Variants in CMSS1 observed in about 807,000 individuals in gnomAD.
CMSS1 encodes the protein protein CMSS1.
Under a neutral mutation model 43.5 loss-of-function variants are expected in CMSS1, and 33 were observed. The observed-to-expected ratio is 0.76, with a 90% CI of 0.57 to 1.01. The LOEUF (loss-of-function observed/expected upper bound fraction) is 1.01. Ranked by LOEUF, CMSS1 falls within the 50% of genes least tolerant of loss-of-function variation. CMSS1 has a pLI of 0.00. For missense variants in CMSS1, 313 were observed against 326.4 expected (o/e 0.96, Z 0.32); for synonymous variants, 115 against 117.2 (o/e 0.98, Z 0.12).
chr3:99,832,863 T>TTG (rs1942739608), intron 1 of CMSS1, among the ~76,000 whole-genome samples: 2 of 144,566 alleles, frequency 1.4e-5, no homozygotes, highest in African/African-American at 2.6e-5. Context: ...AAAAAGTTGT[T>TTG]TTTTTTTTTT....
intron 1 of CMSS1, among the ~76,000 whole-genome samples, chr3:100,120,078 T>C (rs567448503): frequency 3.3e-5 from 5 of 152,344 alleles, no homozygotes; most frequent in African/African-American, 9.6e-5. Context: ...GAGGAAAACA[T>C]GTTCTTGACC....
At chr3:100,117,220 C>G (rs2066577969) in intron 1 of CMSS1, among the ~76,000 whole-genome samples, 1 of 152,070 alleles carries the variant, frequency 6.6e-6, no homozygotes, top group African/African-American at 2.4e-5. Flanking sequence ...ACTTTGGCAA[C>G]ACTACATTAA....
At chr3:100,169,689 AT>A (rs1342531441) in intron 6 of CMSS1, among the ~76,000 whole-genome samples, 4 of 152,010 alleles carry the variant, frequency 2.6e-5, no homozygotes, top group Non-Finnish European at 5.9e-5. Context: ...GTTTCTTTCC[AT>A]TTTTTCTGCT....
intron 1 of CMSS1, among the ~76,000 whole-genome samples, chr3:99,844,191 G>A (rs1943260919): frequency 6.6e-6 from 1 of 152,162 alleles, no homozygotes; most frequent in Non-Finnish European, 1.5e-5. Flanking sequence ...AAAATTTGAA[G>A]TACCGTTTTA....
At chr3:100,027,541 A>T (rs1289928786) in intron 1 of CMSS1, among the ~76,000 whole-genome samples, 2 of 152,160 alleles carry the variant, frequency 1.3e-5, no homozygotes, top group Non-Finnish European at 2.9e-5. Context: ...AGGAAACCAC[A>T]GATGAGTTCT....
At chr3:100,147,240 T>A (rs1233271856) in intron 2 of CMSS1, among the ~76,000 whole-genome samples, 179 bp downstream of exon 2, 1 of 151,904 alleles carries the variant, frequency 6.6e-6, no homozygotes, top group African/African-American at 2.4e-5. Flanking sequence ...ACCAGCAAGT[T>A]CTGTTTTTTG....
At chr3:100,028,416 G>T (rs573386860) in intron 1 of CMSS1, among the ~76,000 whole-genome samples, 1 of 152,266 alleles carries the variant, frequency 6.6e-6, no homozygotes, top group Admixed American at 6.5e-5. Context: ...GCAACAGCTG[G>T]TGGTTGTTTG....
chr3:100,165,371 G>T (rs1047457156), intron 4 of CMSS1, among the ~76,000 whole-genome samples: 1 of 151,910 alleles, frequency 6.6e-6, no homozygotes, highest in African/African-American at 2.4e-5. Context: ...TGTATTTTGA[G>T]ACATTATTCT....
chr3:99,901,084 A>T (rs1381837665), intron 1 of CMSS1, among the ~76,000 whole-genome samples: 6 of 152,234 alleles, frequency 3.9e-5, no homozygotes, highest in Admixed American at 2.0e-4. Context: ...TTACCAAAGG[A>T]TTAAACTGTA....
intron 1 of CMSS1, among the ~76,000 whole-genome samples, chr3:100,123,422 G>T (rs577060919): frequency 3.3e-5 from 5 of 152,210 alleles, no homozygotes; most frequent in Admixed American, 1.3e-4. Flanking sequence ...GGAGCCCTGG[G>T]GGTGGTGCTA....
chr3:99,989,434 C>T (rs1709447287), intron 1 of CMSS1, among the ~76,000 whole-genome samples: 1 of 152,176 alleles, frequency 6.6e-6, no homozygotes, highest in Admixed American at 6.5e-5. Context: ...CTGTGTCCCC[C>T]ACATTTTCTG....
chr3:99,847,647 T>C (rs1299781504), intron 1 of CMSS1, among the ~76,000 whole-genome samples: 1 of 152,208 alleles, frequency 6.6e-6, no homozygotes, highest in African/African-American at 2.4e-5. Context: ...CTAAGCACTG[T>C]GCTGGGCTCT....
intron 1 of CMSS1, among the ~76,000 whole-genome samples, chr3:99,835,358 G>GA (rs1225073899): frequency 1.3e-5 from 2 of 152,140 alleles, no homozygotes; most frequent in African/African-American, 4.8e-5. Context: ...TCTTTTGTTT[G>GA]AAAAATGCAG....
chr3:99,982,781 A>G (rs1709166090), intron 1 of CMSS1, among the ~76,000 whole-genome samples: 2 of 152,210 alleles, frequency 1.3e-5, no homozygotes, highest in African/African-American at 4.8e-5. Context: ...TCATTTTTCA[A>G]AAATGTGCTT....
At chr3:99,964,758 C>T (rs1320963724) in intron 1 of CMSS1, among the ~76,000 whole-genome samples, 1 of 152,082 alleles carries the variant, frequency 6.6e-6, no homozygotes, top group East Asian at 1.9e-4. Flanking sequence ...AAAGAGGTCC[C>T]CTAGGAGACT....
chr3:100,172,003 C>A, intron 7 of CMSS1, 104 bp downstream of exon 7: 1 of 870,074 alleles, frequency 1.1e-6, no homozygotes, highest in South Asian at 1.6e-5. Context: ...TATTGAGTTC[C>A]TTCCTTATGT....
intron 1 of CMSS1, among the ~76,000 whole-genome samples, chr3:99,872,322 T>TGTGTGTGTGTGTGTGA (rs1491147270): frequency 7.1e-6 from 1 of 141,116 alleles, no homozygotes; most frequent in Middle Eastern, 3.4e-3. Context: ...TGTGTGTGTG[T>TGTGTGTGTGTGTGTGA]GACTGTGGGG....
At chr3:100,138,631 A>G (rs1414686012) in intron 1 of CMSS1, among the ~76,000 whole-genome samples, 1 of 152,242 alleles carries the variant, frequency 6.6e-6, no homozygotes. Context: ...AATCAAAACC[A>G]CAATGAGATA....
chr3:100,137,242 T>G (rs1369585150), intron 1 of CMSS1, among the ~76,000 whole-genome samples: 2 of 152,230 alleles, frequency 1.3e-5, no homozygotes, highest in Non-Finnish European at 2.9e-5. Context: ...CAGCATTACT[T>G]TTCAGTGTGT....
Sources: gnomAD v4.1 joint callset for allele counts (sites outside exome capture counted in the v4.1 genomes callset) on GRCh38, gnomAD v4.1.1 for gene constraint, MANE v1.5 for transcripts, NCBI Gene and HGNC (gene_info 2026-07-23, HGNC 2026-07-21) for gene names.